SRRM4: variants seen among roughly 807,000 people sequenced by gnomAD.
The protein encoded by SRRM4 is serine/arginine repetitive matrix 4, also known as serine/arginine repetitive matrix protein 4.
SRRM4 carries 33 observed loss-of-function variants against 68.9 expected under a neutral mutation model. The ratio of observed to expected loss-of-function variants is 0.48; its 90% CI spans 0.36 to 0.64. The LOEUF (loss-of-function observed/expected upper bound fraction) is 0.64. Ranked by LOEUF, SRRM4 falls within the 30% of genes least tolerant of loss-of-function variation. The pLI, the probability that SRRM4 is intolerant of heterozygous loss-of-function variation, is 0.00. For missense variants in SRRM4, 817 were observed against 827.1 expected, an observed-to-expected ratio of 0.99 and a Z score of 0.15; for synonymous variants, 318 against 318.8, an observed-to-expected ratio of 1.00 and a Z score of 0.03.
At chr12:119,068,276 C>T (rs146187442) in intron 1 of SRRM4, among the ~76,000 whole-genome samples, 1 of 152,174 alleles carries the variant, frequency 6.6e-6, no homozygotes, top group Non-Finnish European at 1.5e-5. Flanking sequence ...GCACGTAGAA[C>T]CATGTTCAGC....
intron 4 of SRRM4, among the ~76,000 whole-genome samples, chr12:119,118,606 C>T (rs1178991839): frequency 6.6e-6 from 1 of 152,250 alleles, no homozygotes; most frequent in African/African-American, 2.4e-5. Context: ...TTGGTGTCAG[C>T]AATCTTTCCC....
chr12:119,027,962 T>C (rs904857634), intron 1 of SRRM4, among the ~76,000 whole-genome samples: 3 of 152,222 alleles, frequency 2.0e-5, no homozygotes, highest in African/African-American at 7.2e-5. Flanking sequence ...AGGATAATAA[T>C]AGCAAAGATT....
chr12:119,022,167 AAATAAAATTT>A (rs1184252835), intron 1 of SRRM4, among the ~76,000 whole-genome samples: 5 of 152,170 alleles, frequency 3.3e-5, no homozygotes, highest in African/African-American at 1.2e-4. Flanking sequence ...CTGGAACTTA[AAATAAAATTT>A]AATAAAATTT....
At chr12:119,147,910 T>C (rs1954414165) in intron 9 of SRRM4, among the ~76,000 whole-genome samples, 1 of 152,228 alleles carries the variant, frequency 6.6e-6, no homozygotes, top group African/African-American at 2.4e-5. Context: ...ACTTAGTCTG[T>C]ACCATTCATT....
intron 2 of SRRM4, among the ~76,000 whole-genome samples, chr12:119,108,234 A>G (rs1245063006): frequency 2.6e-5 from 4 of 152,212 alleles, no homozygotes; most frequent in African/African-American, 9.7e-5. Flanking sequence ...TTTACTTCCA[A>G]CTATGTGGTC....
Position 119,154,632 on chromosome 12 carries a change from A to C in SRRM4, c.1532+249A>C, listed in dbSNP as rs114816063. ...GCCAGCCTGAAGAATCGGGTGTGGC[A>C]TGGGGGAGTGGCCAAAGCCTGAGGG... On this transcript the variant is annotated intron_variant, in intron 12 of 12. Coordinates refer to ENST00000267260, the MANE Select transcript of SRRM4 (RefSeq NM_194286.4). This position sits in a 1 kb window ranked among gnomAD's most constrained non-coding sequence, Gnocchi z 4.7. 9.5e-3 allele frequency among the ~76,000 whole-genome samples: 1,443 copies of C among 151,890 alleles called. 27 individuals carry two copies. The highest frequency in any genetic ancestry group is 0.033 in the African/African-American group (1,364 of 41,472).
chr12:119,088,139 T>C (rs1455369728), intron 1 of SRRM4, among the ~76,000 whole-genome samples: 1 of 152,140 alleles, frequency 6.6e-6, no homozygotes, highest in Non-Finnish European at 1.5e-5. Context: ...CATCCTTAAA[T>C]TGGGGGATTA....
intron 8 of SRRM4, among the ~76,000 whole-genome samples, chr12:119,131,267 G>A (rs1021009015): frequency 3.9e-5 from 6 of 152,168 alleles, no homozygotes; most frequent in African/African-American, 1.4e-4. Flanking sequence ...GGCAGCATTG[G>A]TTGGCAGCTG....
At chr12:119,084,258 A>T (rs987969674) in intron 1 of SRRM4, among the ~76,000 whole-genome samples, 1 of 152,116 alleles carries the variant, frequency 6.6e-6, no homozygotes, top group Non-Finnish European at 1.5e-5. Flanking sequence ...CTGAACACCA[A>T]ACAGAGGGAT....
At chr12:119,026,200 T>A (rs1486435398) in intron 1 of SRRM4, among the ~76,000 whole-genome samples, 1 of 152,056 alleles carries the variant, frequency 6.6e-6, no homozygotes, top group Middle Eastern at 3.4e-3. Context: ...ACTCTGTGGC[T>A]GTGGAGGAGA....
At chr12:119,141,695 C>A (rs1954366309) in intron 8 of SRRM4, among the ~76,000 whole-genome samples, 1 of 152,204 alleles carries the variant, frequency 6.6e-6, no homozygotes, top group Admixed American at 6.5e-5. Flanking sequence ...AGTGCCTACT[C>A]TGTGCCAGGC....
chr12:119,107,456 T>C (rs1233272043), intron 2 of SRRM4, among the ~76,000 whole-genome samples: 4 of 152,202 alleles, frequency 2.6e-5, no homozygotes, highest in African/African-American at 9.7e-5. Flanking sequence ...TCCTGGACTT[T>C]TTTTGGTTGC....
intron 8 of SRRM4, chr12:119,132,290 C>A (rs1954303279): frequency 6.6e-6 from 1 of 152,188 alleles, no homozygotes; most frequent in East Asian, 1.9e-4. Context: ...TTACCCCTCT[C>A]AACCTCAGCT....
At chr12:119,054,377 T>C (rs1056572068) in intron 1 of SRRM4, among the ~76,000 whole-genome samples, 1 of 152,166 alleles carries the variant, frequency 6.6e-6, no homozygotes, top group African/African-American at 2.4e-5. Flanking sequence ...AGTGATTCAG[T>C]GAGGTGGGGA....
intron 1 of SRRM4, among the ~76,000 whole-genome samples, chr12:119,014,372 T>A (rs1326840978): frequency 1.3e-5 from 2 of 152,122 alleles, no homozygotes; most frequent in African/African-American, 4.8e-5. Flanking sequence ...CGGGATTTTA[T>A]CTCCTTCCCC....
chr12:119,050,316 C>T (rs1332656881), intron 1 of SRRM4, among the ~76,000 whole-genome samples: 1 of 152,198 alleles, frequency 6.6e-6, no homozygotes, highest in Non-Finnish European at 1.5e-5. Context: ...GTTTGATCTC[C>T]TTTCAAGAAG....
intron 3 of SRRM4, among the ~76,000 whole-genome samples, chr12:119,114,907 G>A (rs1043030543): frequency 4.5e-4 from 69 of 151,854 alleles, no homozygotes; most frequent in African/African-American, 1.6e-3. Flanking sequence ...CTTGTGATCC[G>A]CCTGCCTCGG....
chr12:119,100,829 G>A (rs1412832871), intron 1 of SRRM4, among the ~76,000 whole-genome samples: 4 of 152,166 alleles, frequency 2.6e-5, no homozygotes, highest in Admixed American at 2.6e-4. Context: ...CCCATAGGAG[G>A]GAGGTTTAGG....
chr12:119,006,203 A>G (rs1222635677), intron 1 of SRRM4, among the ~76,000 whole-genome samples: 1 of 152,156 alleles, frequency 6.6e-6, no homozygotes, highest in Non-Finnish European at 1.5e-5. Context: ...ACATTTGGGC[A>G]GTTTCCAGGG....
Sources: gnomAD v4.1 joint callset for allele counts (sites outside exome capture counted in the v4.1 genomes callset) on GRCh38, gnomAD v4.1.1 for gene constraint, Gnocchi (gnomAD v3.1) non-coding constraint, MANE v1.5 for transcripts, NCBI Gene and HGNC (gene_info 2026-07-23, HGNC 2026-07-21) for gene names.